LRP1B: variants seen among roughly 807,000 people sequenced by gnomAD.
LRP1B encodes LDL receptor related protein 1B.
A neutral mutation model predicts 556.6 loss-of-function variants in LRP1B; 217 were observed. The ratio of observed to expected loss-of-function variants is 0.39; its 90% CI spans 0.35 to 0.44. LRP1B has a LOEUF of 0.44. Among genes scored for constraint, LRP1B ranks in the 20% least tolerant of loss-of-function variants. The probability of loss-of-function intolerance (pLI) is 1.00; values close to 1 mark genes in which losing one functional copy is unlikely to be tolerated. For missense variants in LRP1B, 5,053 were observed against 5,620.8 expected (o/e 0.90, Z 3.23); for synonymous variants, 2,047 against 1,865.8 (o/e 1.10, Z -2.50).
intron 86 of LRP1B, among the ~76,000 whole-genome samples, chr2:140,263,540 T>C (rs1682044178): frequency 6.6e-6 from 1 of 152,152 alleles, no homozygotes; most frequent in Non-Finnish European, 1.5e-5. Flanking sequence ...CCTCTCACTG[T>C]TTACTATCAG....
At chr2:141,096,048 C>G (rs981212610) in intron 7 of LRP1B, among the ~76,000 whole-genome samples, 1 of 151,964 alleles carries the variant, frequency 6.6e-6, no homozygotes, top group African/African-American at 2.4e-5. Context: ...AACTGCTAGA[C>G]ATTTATTTAC....
intron 3 of LRP1B, among the ~76,000 whole-genome samples, chr2:141,441,374 G>T (rs10193178): frequency 3.9e-5 from 6 of 152,088 alleles, no homozygotes. Flanking sequence ...CACCACACCT[G>T]GCCAGCCCTG....
In LRP1B at chr2:141,094,351, A is replaced by T. The variant is rs1484992701; in HGVS notation, c.1014-32078T>A. The stretch of plus-strand genomic sequence containing the variant: ...TTTCTTACCCAAACCTTATAACTAT[A>T]TTATTTAAAAATATGTTTATTAAAT... On this transcript the variant is annotated intron_variant, in intron 7 of 90. Transcript: ENST00000389484. Among the ~76,000 whole-genome samples, 4 of 152,206 alleles carry T rather than the reference A, an allele frequency of 2.6e-5. 1 individual carries two copies. The highest frequency in any genetic ancestry group is 9.6e-5 in the African/African-American group (4 of 41,468).
At chr2:140,972,676 T>C (rs1696465105) in intron 18 of LRP1B, among the ~76,000 whole-genome samples, 2 of 150,594 alleles carry the variant, frequency 1.3e-5, no homozygotes, top group South Asian at 4.2e-4. Context: ...GGGAGTGAAG[T>C]TTATGTAAGT....
chr2:142,082,441 T>C (rs963904266), intron 1 of LRP1B, among the ~76,000 whole-genome samples: 2 of 152,198 alleles, frequency 1.3e-5, no homozygotes, highest in African/African-American at 4.8e-5. Context: ...AATAGGCATT[T>C]AGTGGCATGA....
At chr2:141,761,828 C>G (rs1025741470) in intron 2 of LRP1B, among the ~76,000 whole-genome samples, 5 of 152,134 alleles carry the variant, frequency 3.3e-5, no homozygotes, top group Admixed American at 2.6e-4. Flanking sequence ...CTACCTCAAG[C>G]TAGTAGTTTG....
chr2:141,055,032 A>C, intron 10 of LRP1B, 84 bp downstream of exon 10: 1 of 1,473,576 alleles, frequency 6.8e-7, no homozygotes, highest in Non-Finnish European at 9.3e-7. Context: ...TCATGTTATG[A>C]CTGATGTTGA....
chr2:140,933,960 GA>G (rs201906784), intron 20 of LRP1B, among the ~76,000 whole-genome samples: 1 of 93,946 alleles, frequency 1.1e-5, no homozygotes, highest in South Asian at 3.9e-4. Flanking sequence ...TTTTGTCTTG[GA>G]AAACAAAAAG....
chr2:140,464,891 A>G (rs1440451100), intron 60 of LRP1B, among the ~76,000 whole-genome samples: 1 of 152,212 alleles, frequency 6.6e-6, no homozygotes, highest in African/African-American at 2.4e-5. Flanking sequence ...TGGTCTTCTC[A>G]TATTCCTGCA....
At chr2:140,382,278 A>G (rs1683545810) in intron 67 of LRP1B, among the ~76,000 whole-genome samples, 1 of 151,906 alleles carries the variant, frequency 6.6e-6, no homozygotes, top group South Asian at 2.1e-4. Flanking sequence ...TTGTCTCTCT[A>G]TGTAAACCTT....
At chr2:140,561,709 CA>C (rs1177054678) in intron 43 of LRP1B, among the ~76,000 whole-genome samples, 9 of 151,738 alleles carry the variant, frequency 5.9e-5, no homozygotes, top group Non-Finnish European at 1.3e-4. Flanking sequence ...CAAATTTCCT[CA>C]AAAAAATAGA....
Position 141,247,288 on chromosome 2 carries a change from G to C in LRP1B, c.530C>G (p.Thr177Ser), listed in dbSNP as rs1315235939. 2.5e-6 allele frequency: 4 copies of C among 1,613,850 alleles called. No homozygotes were observed. The highest frequency in any genetic ancestry group is 3.4e-6 in the Non-Finnish European group (4 of 1,179,802). Residue 177 changes from threonine (T) to serine (S), a missense_variant, in exon 5 of 91, where the codon ACT becomes AGT. By Grantham distance (58) the Thr-to-Ser change is moderately conservative. Around this residue, in one of 5 missense-constraint regions of LRP1B, gnomAD observed 3,619 missense variants for 3,931.9 expected, o/e 0.92. Coordinates refer to ENST00000389484, the MANE Select transcript of LRP1B (RefSeq NM_018557.3). ...QTCRNTHGSYTCSCVEGYLMQ... is the reference protein window; with the variant it reads ...QTCRNTHGSYSCSCVEGYLMQ... ...TAGGTAGCCTTCCACACAACTGCAA[G>C]TGTAGGATCCATGTGTGTTTCTGCA...
chr2:141,810,437 G>T (rs2105708021), intron 1 of LRP1B, 36 bp from the exon 2 acceptor site: 2 of 1,607,480 alleles, frequency 1.2e-6, no homozygotes, highest in South Asian at 1.1e-5. Context: ...AAATATGAAT[G>T]ATCTGAACAT....
intron 11 of LRP1B, among the ~76,000 whole-genome samples, chr2:141,033,308 TC>T (rs1278729772): frequency 6.6e-6 from 1 of 151,892 alleles, no homozygotes; most frequent in Non-Finnish European, 1.5e-5. Flanking sequence ...TTCTCAGCCT[TC>T]CAGGACGTGG....
At chr2:140,408,225 A>C (rs1196535218) in intron 66 of LRP1B, among the ~76,000 whole-genome samples, 1 of 151,918 alleles carries the variant, frequency 6.6e-6, no homozygotes, top group African/African-American at 2.4e-5. Flanking sequence ...TATAGGGTAC[A>C]GTGTATATTG....
At chr2:141,790,373 T>C (rs1473993969) in intron 2 of LRP1B, among the ~76,000 whole-genome samples, 1 of 151,806 alleles carries the variant, frequency 6.6e-6, no homozygotes, top group Non-Finnish European at 1.5e-5. Context: ...ATAATTTTTC[T>C]GATCTCAGAT....
chr2:140,860,546 C>G (rs1227815428), intron 27 of LRP1B, among the ~76,000 whole-genome samples: 1 of 151,984 alleles, frequency 6.6e-6, no homozygotes, highest in Non-Finnish European at 1.5e-5. Context: ...CCCTTTAAAC[C>G]AAGTTCTGTT....
At chr2:141,216,612 T>G (rs187225432) in intron 6 of LRP1B, among the ~76,000 whole-genome samples, 2 of 152,194 alleles carry the variant, frequency 1.3e-5, no homozygotes, top group Admixed American at 1.3e-4. Context: ...TCTCTGAGAG[T>G]AGCCACAGTA....
At chr2:141,624,855 C>T (rs1688646137) in intron 2 of LRP1B, among the ~76,000 whole-genome samples, 1 of 152,070 alleles carries the variant, frequency 6.6e-6, no homozygotes, top group African/African-American at 2.4e-5. Context: ...CTGCAAGCTC[C>T]GCCTCCCAGG....
Sources: allele counts gnomAD v4.1 joint callset (sites outside exome capture counted in the v4.1 genomes callset), GRCh38; gene constraint gnomAD v4.1.1; regional missense constraint gnomAD v4.1.1; transcripts MANE v1.5; gene names NCBI Gene and HGNC (gene_info 2026-07-23, HGNC 2026-07-21).